The following ST6GALNAC5 variants were observed in gnomAD, a reference collection of about 807,000 sequenced individuals.
ST6GALNAC5 encodes the protein ST6 N-acetylgalactosaminide alpha-2,6-sialyltransferase 5, also known as alpha-N-acetylgalactosaminide alpha-2,6-sialyltransferase 5.
Under a neutral mutation model 33.6 loss-of-function variants are expected in ST6GALNAC5, and 27 were observed. That is an observed-to-expected ratio of 0.80 (90% CI 0.59 to 1.11). ST6GALNAC5 has a LOEUF of 1.11. Among genes scored for constraint, ST6GALNAC5 ranks in the 50% least tolerant of loss-of-function variants. The probability of loss-of-function intolerance (pLI) is 0.00; values close to 1 mark genes in which losing one functional copy is unlikely to be tolerated. For missense variants in ST6GALNAC5, 428 were observed against 454.0 expected, an observed-to-expected ratio of 0.94 and a Z score of 0.52; for synonymous variants, 194 against 171.2, an observed-to-expected ratio of 1.13 and a Z score of -1.04.
At chr1:76,907,057 T>C (rs1048016834) in intron 2 of ST6GALNAC5, among the ~76,000 whole-genome samples, 3 of 152,076 alleles carry the variant, frequency 2.0e-5, no homozygotes, top group Non-Finnish European at 2.9e-5. Flanking sequence ...CAACCCACTA[T>C]TGCCCATCTA....
intron 3 of ST6GALNAC5, among the ~76,000 whole-genome samples, chr1:77,049,676 T>A (rs1652155570): frequency 6.6e-6 from 1 of 152,204 alleles, no homozygotes; most frequent in Admixed American, 6.5e-5. Flanking sequence ...GTGGCTCTTT[T>A]CCTCTGGTCA....
intron 2 of ST6GALNAC5, among the ~76,000 whole-genome samples, chr1:76,914,778 T>A (rs527907223): frequency 6.6e-6 from 1 of 152,182 alleles, no homozygotes; most frequent in Non-Finnish European, 1.5e-5. Context: ...GACATAGGCA[T>A]GGGCAAGGAC....
At chr1:76,932,115 T>G (rs997503014) in intron 2 of ST6GALNAC5, among the ~76,000 whole-genome samples, 1 of 152,140 alleles carries the variant, frequency 6.6e-6, no homozygotes, top group Non-Finnish European at 1.5e-5. Context: ...GGTGAAATAT[T>G]CACTTAGGTA....
At chr1:76,944,576 G>A (rs1190683334) in intron 2 of ST6GALNAC5, among the ~76,000 whole-genome samples, 2 of 152,076 alleles carry the variant, frequency 1.3e-5, no homozygotes, top group African/African-American at 4.8e-5. Flanking sequence ...GTGCTGGTAT[G>A]TACTCTGTAT....
rs1310327527 is a variant in ST6GALNAC5, at chr1:77,065,993, C to T, written c.*2787C>T. On this transcript the variant is annotated 3_prime_UTR_variant, in exon 5 of 5. Coordinates refer to ENST00000477717, the MANE Select transcript of ST6GALNAC5 (RefSeq NM_030965.3). ...AAACAAAATCAATCACTTCAAATGG[C>T]CCATAAAAGGAGGAATCTCAGATTT... is the stretch of plus-strand genomic sequence containing the variant. 2.0e-5 allele frequency among the ~76,000 whole-genome samples: 3 copies of T among 152,096 alleles called. No individual in the cohort carries two copies. Among genetic ancestry groups the T allele is most frequent in the African/African-American group, 4.8e-5 (2 of 41,404 alleles).
intron 2 of ST6GALNAC5, among the ~76,000 whole-genome samples, chr1:77,032,646 A>G (rs987958916): frequency 2.6e-5 from 4 of 152,156 alleles, no homozygotes; most frequent in Non-Finnish European, 5.9e-5. Context: ...GACTGAGAGT[A>G]GGGAAGTACC....
At position 77,063,087 on chromosome 1, in the gene ST6GALNAC5, A is replaced by G. The variant is rs576705840; in HGVS notation, c.892A>G (p.Ile298Val). 1.2e-6 allele frequency: 2 copies of G among 1,613,986 alleles called. No individual in the cohort carries two copies. Among genetic ancestry groups the G allele is most frequent in the East Asian group, 4.5e-5 (2 of 44,878 alleles). Reference protein sequence around the residue: ...RGRKGSHHRFITEKRVFKNWA... With the variant: ...RGRKGSHHRFVTEKRVFKNWA... ...ACGCAAGGGCAGTCATCACCGCTTT[A>G]TCACAGAGAAACGAGTCTTTAAGAA... The change falls in exon 5 of 5, where the codon ATC becomes GTC. Residue 298 changes from isoleucine to valine, a missense_variant. Ile to Val is a conservative substitution (Grantham distance 29). Transcript: ENST00000477717.
At chr1:76,867,809 A>G (rs1570621114) in intron 1 of ST6GALNAC5, 119 bp downstream of exon 1, 2 of 1,438,180 alleles carry the variant, frequency 1.4e-6, no homozygotes, top group South Asian at 2.3e-5. Context: ...CGCCTGTTAC[A>G]AAGGGACAAC....
At chr1:76,943,428 C>T (rs991971249) in intron 2 of ST6GALNAC5, among the ~76,000 whole-genome samples, 6 of 151,958 alleles carry the variant, frequency 3.9e-5, no homozygotes, top group African/African-American at 7.2e-5. Context: ...CAGAGTTCTT[C>T]GACTACAGGT....
At chr1:77,004,163 C>T (rs1650291383) in intron 2 of ST6GALNAC5, among the ~76,000 whole-genome samples, 1 of 151,730 alleles carries the variant, frequency 6.6e-6, no homozygotes, top group South Asian at 2.1e-4. Flanking sequence ...TCACATAGTC[C>T]CATATTTCTT....
chr1:77,037,368 A>G (rs1417489745), intron 2 of ST6GALNAC5, among the ~76,000 whole-genome samples: 3 of 152,286 alleles, frequency 2.0e-5, no homozygotes, highest in East Asian at 3.9e-4. Flanking sequence ...ATGGACATAC[A>G]GATGGCAAAA....
chr1:77,030,852 A>T (rs2100447558), intron 2 of ST6GALNAC5, among the ~76,000 whole-genome samples: 1 of 152,330 alleles, frequency 6.6e-6, no homozygotes, highest in African/African-American at 2.4e-5. Context: ...AGCCTTCTTG[A>T]AGGAGCAGGG....
intron 2 of ST6GALNAC5, among the ~76,000 whole-genome samples, chr1:77,038,820 C>T (rs1651742031): frequency 6.6e-6 from 1 of 152,160 alleles, no homozygotes; most frequent in Admixed American, 6.5e-5. Flanking sequence ...TGAAAGTTGT[C>T]ATGCTTCGCT....
At chr1:76,963,523 T>C (rs1648331639) in intron 2 of ST6GALNAC5, among the ~76,000 whole-genome samples, 1 of 152,156 alleles carries the variant, frequency 6.6e-6, no homozygotes, top group African/African-American at 2.4e-5. Context: ...AATTGAAGAA[T>C]GGGGTGTCCA....
chr1:76,957,744 CTAT>C (rs1191202457), intron 2 of ST6GALNAC5, among the ~76,000 whole-genome samples: 4 of 152,090 alleles, frequency 2.6e-5, no homozygotes, highest in South Asian at 2.1e-4. Context: ...CACAATACTA[CTAT>C]TATCTCATAT....
chr1:76,883,260 A>G (rs1653823693), intron 2 of ST6GALNAC5, among the ~76,000 whole-genome samples: 1 of 152,192 alleles, frequency 6.6e-6, no homozygotes, highest in Non-Finnish European at 1.5e-5. Flanking sequence ...TGATCACACA[A>G]TATTGCAATC....
chr1:77,044,299 T>A lies in ST6GALNAC5; in HGVS notation c.357T>A (p.Cys119Ter). 1 of 1,614,010 alleles carries A rather than the reference T, an allele frequency of 6.2e-7. No homozygotes were observed. Among genetic ancestry groups the A allele is most frequent in the Non-Finnish European group, 8.5e-7 (1 of 1,180,036 alleles). ...RQGSQIDQTE[C>*]VIRMNDAPTR... is the part of the protein sequence containing the mutation. ...GCTCCCAGATTGACCAGACAGAGTG[T>A]GTCATCCGCATGAATGACGCCCCCA... Residue 119 changes from cysteine to a stop codon, truncating the protein, a stop_gained, in exon 3 of 5, where the codon TGT (cysteine) becomes TGA (stop). Coordinates refer to ENST00000477717, the MANE Select transcript of ST6GALNAC5 (RefSeq NM_030965.3). LOFTEE classifies it high-confidence loss of function.
At chr1:77,000,807 T>G (rs138633761) in intron 2 of ST6GALNAC5, among the ~76,000 whole-genome samples, 3 of 152,218 alleles carry the variant, frequency 2.0e-5, no homozygotes, top group South Asian at 2.1e-4. Flanking sequence ...GTTGTAGATA[T>G]GCGGCGTTAT....
chr1:76,884,093 T>G (rs1264664092), intron 2 of ST6GALNAC5, among the ~76,000 whole-genome samples: 2 of 152,100 alleles, frequency 1.3e-5, no homozygotes, highest in Non-Finnish European at 2.9e-5. Context: ...AGGGACCAAT[T>G]AGCAGACTGT....
Sources: gnomAD v4.1 joint callset for allele counts (sites outside exome capture counted in the v4.1 genomes callset) on GRCh38, gnomAD v4.1.1 for gene constraint, MANE v1.5 for transcripts, NCBI Gene and HGNC (gene_info 2026-07-23, HGNC 2026-07-21) for gene names.